The following FAM162A variants were observed in gnomAD, a reference collection of about 807,000 sequenced individuals.
FAM162A encodes protein FAM162A.
Under a neutral mutation model 21.8 loss-of-function variants are expected in FAM162A, and 23 were observed. The ratio of observed to expected loss-of-function variants is 1.05; its 90% confidence interval spans 0.76 to 1.49. The LOEUF (loss-of-function observed/expected upper bound fraction) is 1.49. FAM162A is among the 40% of genes most tolerant of loss of function. The pLI, the probability that FAM162A is intolerant of heterozygous loss-of-function variation, is 0.00. For missense variants in FAM162A, 165 were observed against 186.4 expected, an observed-to-expected ratio of 0.89 and a Z score of 0.67; for synonymous variants, 53 against 61.3, an observed-to-expected ratio of 0.86 and a Z score of 0.64.
intron 1 of FAM162A, among the ~76,000 whole-genome samples, chr3:122,389,242 A>C (rs2075588251): frequency 6.6e-6 from 1 of 152,142 alleles, no homozygotes; most frequent in African/African-American, 2.4e-5. Context: ...TATTAATAGT[A>C]CCTGTTGAGA....
chr3:122,392,410 G>A (rs1175827324), intron 1 of FAM162A, among the ~76,000 whole-genome samples: 1 of 152,210 alleles, frequency 6.6e-6, no homozygotes, highest in African/African-American at 2.4e-5. Flanking sequence ...ATGGATAGTA[G>A]TAATAGTTGC....
chr3:122,391,562 T>A (rs2075604518), intron 1 of FAM162A, among the ~76,000 whole-genome samples: 1 of 152,240 alleles, frequency 6.6e-6, no homozygotes, highest in Admixed American at 6.5e-5. Flanking sequence ...CAATATGAAG[T>A]TGTAGTAAGA....
intron 1 of FAM162A, 96 bp downstream of exon 1, chr3:122,384,395 A>G (rs963666610): frequency 7.2e-6 from 10 of 1,390,534 alleles, no homozygotes; most frequent in South Asian, 1.2e-5. Flanking sequence ...GAGTGGCTCC[A>G]TTCCATGACG....
In FAM162A at chr3:122,410,530, T is replaced by C. The variant is rs1193780657; in HGVS notation, c.*699T>C. On this transcript the variant is annotated 3_prime_UTR_variant, in exon 5 of 5. Transcript: ENST00000477892. ...TCTCAATTATAAAAATCTCATGTAT[T>C]ATTACTGTTAGAAGTATTTGCACCT... 1 of 152,718 alleles carries C rather than the reference T, an allele frequency of 6.5e-6. No homozygotes were observed. Among genetic ancestry groups the C allele is most frequent in the Non-Finnish European group, 1.5e-5 (1 of 68,458 alleles). The allele number at this position is 152,718 out of a possible 1,614,324, so 9.5% of individuals were successfully genotyped here.
chr3:122,410,943 GT>G lies in FAM162A; in HGVS notation c.*1113del, dbSNP rs1351501870. ...TCGTGGAATCAGTGCTAGTGTTCAG[GT>G]AACTCTTATTTAATAATTGCCTCAA... On this transcript the variant is annotated 3_prime_UTR_variant, in exon 5 of 5. Coordinates refer to ENST00000477892, the MANE Select transcript of FAM162A (RefSeq NM_014367.4). 3 of 152,164 alleles carry G rather than the reference GT, an allele frequency of 2.0e-5. No individual in the cohort carries two copies. The highest frequency in any genetic ancestry group is 4.4e-5 in the Non-Finnish European group (3 of 68,036). 9.4% of individuals were successfully genotyped at this position (152,164 alleles called of 1,614,324 possible). A position where few individuals can be genotyped will look rare whatever the true frequency, so the allele number is the denominator to read the frequency against.
At chr3:122,396,739 T>G (rs1453435287) in intron 1 of FAM162A, among the ~76,000 whole-genome samples, 1 of 152,210 alleles carries the variant, frequency 6.6e-6, no homozygotes, top group East Asian at 1.9e-4. Flanking sequence ...AAATGTCCAT[T>G]AGTTGACTAA....
At chr3:122,406,112 A>G (rs72956575) in intron 3 of FAM162A, among the ~76,000 whole-genome samples, 108 of 152,326 alleles carry the variant, frequency 7.1e-4, no homozygotes, top group African/African-American at 2.2e-3. Flanking sequence ...TAAAAGTAAT[A>G]TATGTTAAAT....
At chr3:122,390,530 A>T (rs1012431178) in intron 1 of FAM162A, among the ~76,000 whole-genome samples, 9 of 152,164 alleles carry the variant, frequency 5.9e-5, no homozygotes, top group African/African-American at 2.2e-4. Flanking sequence ...ACTGTCTATC[A>T]TGGGGTTGGA....
At chr3:122,407,463 C>A in intron 4 of FAM162A, 74 bp downstream of exon 4, 1 of 1,161,154 alleles carries the variant, frequency 8.6e-7, no homozygotes, top group Non-Finnish European at 1.3e-6. Context: ...GGGATTGACC[C>A]TTGTATTTAC....
intron 3 of FAM162A, 27 bp downstream of exon 3, chr3:122,404,390 C>T (rs897946391): frequency 1.6e-6 from 2 of 1,274,820 alleles, no homozygotes; most frequent in Admixed American, 2.0e-5. Context: ...GTATTACAAG[C>T]AGCTTTCATT....
At chr3:122,407,088 A>C (rs567553055) in intron 3 of FAM162A, among the ~76,000 whole-genome samples, 193 bp from the exon 4 acceptor site, 1 of 151,744 alleles carries the variant, frequency 6.6e-6, no homozygotes, top group African/African-American at 2.4e-5. Flanking sequence ...TACATAAATG[A>C]GTTACGAAAA....
intron 3 of FAM162A, among the ~76,000 whole-genome samples, chr3:122,405,527 T>A (rs551448863): frequency 7.9e-5 from 12 of 152,234 alleles, no homozygotes; most frequent in Non-Finnish European, 1.8e-4. Flanking sequence ...GGTTCTTGCC[T>A]ATGCCCTAAT....
intron 4 of FAM162A, among the ~76,000 whole-genome samples, chr3:122,409,272 G>A (rs1023712135): frequency 6.6e-6 from 1 of 152,130 alleles, no homozygotes; most frequent in Non-Finnish European, 1.5e-5. Context: ...GGTAAAGTCT[G>A]GGATTCCCAA....
In FAM162A at chr3:122,410,936, T is replaced by C. The variant is rs1307159180; in HGVS notation, c.*1105T>C. The stretch of plus-strand genomic sequence containing the variant: ...TCAGCTGTCGTGGAATCAGTGCTAG[T>C]GTTCAGGTAACTCTTATTTAATAAT... On this transcript the variant is annotated 3_prime_UTR_variant, in exon 5 of 5. Coordinates refer to ENST00000477892, the MANE Select transcript of FAM162A (RefSeq NM_014367.4). 1.3e-5 allele frequency: 2 copies of C among 152,244 alleles called. No individual in the cohort carries two copies. Among genetic ancestry groups the C allele is most frequent in the Non-Finnish European group, 2.9e-5 (2 of 68,046 alleles). The allele number at this position is 152,244 out of a possible 1,614,324, so 9.4% of individuals were successfully genotyped here.
chr3:122,409,579 G>C (rs937063490), intron 4 of FAM162A, among the ~76,000 whole-genome samples, 160 bp from the exon 5 acceptor site: 1 of 152,120 alleles, frequency 6.6e-6, no homozygotes, highest in Admixed American at 6.5e-5. Context: ...AAGCGTACGA[G>C]GAAGTTGAAG....
intron 1 of FAM162A, among the ~76,000 whole-genome samples, chr3:122,393,997 A>T (rs2075615988): frequency 6.6e-6 from 1 of 152,212 alleles, no homozygotes; most frequent in African/African-American, 2.4e-5. Flanking sequence ...GCTGTACAGG[A>T]AACATGATAC....
intron 1 of FAM162A, among the ~76,000 whole-genome samples, chr3:122,386,091 G>A (rs909132711): frequency 6.6e-5 from 10 of 152,164 alleles, no homozygotes; most frequent in Non-Finnish European, 7.3e-5. Context: ...GGGGCTGTGC[G>A]TGTGTGAATT....
chr3:122,402,158 T>G (rs1365027944), intron 1 of FAM162A, among the ~76,000 whole-genome samples: 1 of 151,850 alleles, frequency 6.6e-6, no homozygotes, highest in East Asian at 1.9e-4. Flanking sequence ...TGAAAATGGG[T>G]GATGAGTATA....
rs2075697056 is a variant in FAM162A, at chr3:122,409,985, A to C, written c.*154A>C. ...TATTTCTGCTGTAGAAGTAGAAATA[A>C]ATTTTCTTAAATAATGACTGTGTTT... On this transcript the variant is annotated 3_prime_UTR_variant, in exon 5 of 5. Coordinates refer to ENST00000477892, the MANE Select transcript of FAM162A (RefSeq NM_014367.4). 2 of 716,046 alleles carry C rather than the reference A, an allele frequency of 2.8e-6. No homozygotes were observed. Among genetic ancestry groups the C allele is most frequent in the Admixed American group, 4.2e-5 (2 of 47,850 alleles). 44.4% of individuals were successfully genotyped at this position (716,046 alleles called of 1,614,324 possible). A position where few individuals can be genotyped will look rare whatever the true frequency, so the allele number is the denominator to read the frequency against.
Sources: allele counts gnomAD v4.1 joint callset (sites outside exome capture counted in the v4.1 genomes callset), GRCh38; gene constraint gnomAD v4.1.1; transcripts MANE v1.5; gene names NCBI Gene and HGNC (gene_info 2026-07-23, HGNC 2026-07-21).